TMPRSS15: variants seen among roughly 807,000 people sequenced by gnomAD.
TMPRSS15 encodes transmembrane serine protease 15.
A neutral mutation model predicts 125.3 loss-of-function variants in TMPRSS15; 128 were observed. The ratio of observed to expected loss-of-function variants is 1.02; its 90% confidence interval spans 0.89 to 1.18. The LOEUF is 1.18. Among genes scored for constraint, TMPRSS15 ranks in the 50% most tolerant of loss-of-function variants. TMPRSS15 has a pLI of 0.00. For missense variants in TMPRSS15, 1,283 were observed against 1,212.7 expected (o/e 1.06, Z -0.86); for synonymous variants, 446 against 423.2 (o/e 1.05, Z -0.66).
intron 1 of TMPRSS15, among the ~76,000 whole-genome samples, chr21:18,433,134 C>A (rs181575505): frequency 6.6e-6 from 1 of 152,116 alleles, no homozygotes; most frequent in East Asian, 1.9e-4. Flanking sequence ...ACTGAACATA[C>A]CTTAAATGGG....
Position 18,278,972 on chromosome 21 carries a change from A to G in TMPRSS15, c.2756T>C (p.Val919Ala). The change falls in exon 23 of 25, where the codon GTA becomes GCA. Residue 919 changes from valine to alanine, a missense_variant. By Grantham distance (64) the Val-to-Ala change is moderately conservative. Transcript: ENST00000284885. ...NCSIAGWGTV[V>A]YQGTTANILQ... ...TGAGTCTGATAATTTACCTTGATAT[A>G]CAACCGTCCCCCAACCAGCAATAGA... is the stretch of plus-strand genomic sequence containing the variant. The G allele has an allele frequency of 7.0e-7, 1 of 1,429,422 alleles. No homozygotes were observed. The highest frequency in any genetic ancestry group is 9.6e-7 in the Non-Finnish European group (1 of 1,043,024). The allele number at this position is 1,429,422 out of a possible 1,614,324, so 88.5% of individuals were successfully genotyped here.
intron 6 of TMPRSS15, among the ~76,000 whole-genome samples, chr21:18,368,636 T>C (rs1439297558): frequency 3.9e-5 from 6 of 152,188 alleles, no homozygotes; most frequent in African/African-American, 1.4e-4. Flanking sequence ...GTTAAGATTG[T>C]TTATCATAGT....
intron 15 of TMPRSS15, among the ~76,000 whole-genome samples, chr21:18,327,727 C>CT (rs5842682): frequency 0.53 from 80,488 of 151,844 alleles, 21,735 homozygotes; most frequent in East Asian, 0.67. Flanking sequence ...AGATAAAACA[C>CT]TTTTTTTGTG....
Position 18,329,222 on chromosome 21 carries a change from A to G in TMPRSS15, c.1727T>C (p.Ile576Thr), listed in dbSNP as rs144951297. 18 of 1,612,654 alleles carry G rather than the reference A, an allele frequency of 1.1e-5. No individual in the cohort carries two copies. The highest frequency in any genetic ancestry group is 1.7e-5 in the Admixed American group (1 of 59,956). The change falls in exon 15 of 25, where the codon ATT (isoleucine) becomes ACT (threonine). Residue 576 changes from isoleucine to threonine, a missense_variant. Physicochemically the swap from Ile to Thr is moderately conservative, Grantham distance 89. Coordinates refer to ENST00000284885, the MANE Select transcript of TMPRSS15 (RefSeq NM_002772.3). ...ATCTCTTATTTCAACTACATCGTTA[A>G]TATTTTCTAAGTCAAATTCTTGAAA... is the stretch of plus-strand genomic sequence containing the variant. ...LHFQEFDLEN[I>T]NDVVEIRDGE...
chr21:18,379,552 T>A (rs1373714231), intron 4 of TMPRSS15, among the ~76,000 whole-genome samples: 1 of 152,088 alleles, frequency 6.6e-6, no homozygotes, highest in Non-Finnish European at 1.5e-5. Flanking sequence ...AACTCCTCTT[T>A]TATTTTCTAA....
At position 18,359,420 on chromosome 21, in the gene TMPRSS15, T is replaced by C. The variant is rs138027959; in HGVS notation, c.880+337A>G. On this transcript the variant is annotated intron_variant, in intron 8 of 24. Coordinates refer to ENST00000284885, the MANE Select transcript of TMPRSS15 (RefSeq NM_002772.3). ...CCTACGCAATGCAGAGAAAACAGAA[T>C]AGTAATTTTCAGGGATTGTGTGAAT... 6.0e-4 allele frequency among the ~76,000 whole-genome samples: 91 copies of C among 152,174 alleles called. 4 individuals are homozygous for C. The highest frequency in any genetic ancestry group is 2.1e-3 in the African/African-American group (86 of 41,544).
rs546303368 is a variant in TMPRSS15 at position 18,426,727 on chromosome 21, G to T, written c.11-28398C>A. On this transcript the variant is annotated intron_variant, in intron 1 of 7. Coordinates refer to the TMPRSS15 transcript ENST00000422787. ...ATATTTCATGCATTGTCAAAGATTT[G>T]TTTTATTTCAAAATTATGCATTTTC... 2.6e-5 allele frequency among the ~76,000 whole-genome samples: 4 copies of T among 152,202 alleles called. No homozygotes were observed. The East Asian group carries it at 7.7e-4, about 29-fold the overall frequency.
intron 7 of TMPRSS15, among the ~76,000 whole-genome samples, chr21:18,361,242 G>A (rs1445746642): frequency 6.6e-6 from 1 of 152,080 alleles, no homozygotes; most frequent in East Asian, 1.9e-4. Context: ...TCTCATTAAA[G>A]TGTTATAATC....
At chr21:18,357,169 TC>T (rs958593555) in intron 8 of TMPRSS15, among the ~76,000 whole-genome samples, 3 of 151,906 alleles carry the variant, frequency 2.0e-5, no homozygotes, top group Non-Finnish European at 4.4e-5. Context: ...TCTACCCCTT[TC>T]ATATGAAGTA....
Position 18,387,846 on chromosome 21 carries a change from T to C in TMPRSS15, c.345-4068A>G, listed in dbSNP as rs548526231. Reference sequence around the variant, plus strand: ...ATAGGTATTTTAAAGGATTTATAGATATACAGTTGACGTAGGTACTGTTAG... The same window carrying C: ...ATAGGTATTTTAAAGGATTTATAGACATACAGTTGACGTAGGTACTGTTAG... On this transcript the variant is annotated intron_variant, in intron 3 of 24. Transcript: ENST00000284885. Among the ~76,000 whole-genome samples, 5 of 152,344 alleles carry C rather than the reference T, an allele frequency of 3.3e-5. No individual in the cohort carries two copies. The East Asian group carries it at 9.6e-4, about 29-fold the overall frequency.
intron 8 of TMPRSS15, among the ~76,000 whole-genome samples, chr21:18,356,959 G>T (rs1027012744): frequency 6.6e-6 from 1 of 151,774 alleles, no homozygotes; most frequent in African/African-American, 2.4e-5. Flanking sequence ...AGTCCTGTGG[G>T]AATGGAATAC....
At chr21:18,407,125 A>G (rs916990789), upstream of TMPRSS15, among the ~76,000 whole-genome samples, 2 of 152,130 alleles carry the variant, frequency 1.3e-5, no homozygotes, top group Non-Finnish European at 2.9e-5. Flanking sequence ...CGGAAACGAT[A>G]AATAGAAAAT....
At position 18,410,399 on chromosome 21, in the gene TMPRSS15, T is replaced by C. The variant is rs201289236; in HGVS notation, c.11-12070A>G. On this transcript the variant is annotated intron_variant, in intron 1 of 7. Coordinates refer to the TMPRSS15 transcript ENST00000422787. ...GACAAACTCCTAATGGCTCCTCCCA[T>C]CTCCACTGGGATCCTGTAGCAGTCA... 3.0e-3 allele frequency among the ~76,000 whole-genome samples: 450 copies of C among 152,250 alleles called. 2 individuals are homozygous for C. Among genetic ancestry groups the C allele is most frequent in the African/African-American group, 0.01 (430 of 41,556 alleles).
At chr21:18,477,887 C>T (rs550348233) in intron 1 of TMPRSS15, among the ~76,000 whole-genome samples, 6 of 152,070 alleles carry the variant, frequency 3.9e-5, no homozygotes, top group African/African-American at 1.4e-4. Context: ...ATTTAGACTC[C>T]AATCCTGTGT....
In TMPRSS15 at chr21:18,398,225, C is replaced by G. The variant is rs1350420605; in HGVS notation, c.250G>C (p.Val84Leu). The change falls in exon 2 of 25, where the codon GTT (valine) becomes CTT (leucine). Residue 84 changes from valine to leucine, a missense_variant. Transcript: ENST00000284885. ...LQDKLSVDFK[V>L]LAFDLQQMID... ...ATTTGCTGAAGGTCAAAAGCAAGAA[C>G]TTTGAAATCCACTGAGAGTTTGTCT... 3.7e-6 allele frequency: 6 copies of G among 1,613,728 alleles called. No individual in the cohort carries two copies. The highest frequency in any genetic ancestry group is 5.1e-6 in the Non-Finnish European group (6 of 1,179,810).
intron 4 of TMPRSS15, among the ~76,000 whole-genome samples, chr21:18,381,229 G>A (rs144182911): frequency 6.6e-6 from 1 of 152,072 alleles, no homozygotes; most frequent in Non-Finnish European, 1.5e-5. Flanking sequence ...TACTAACTAG[G>A]TGGTTTATTT....
In TMPRSS15 at chr21:18,394,282, A is replaced by T. The variant is rs113711789; in HGVS notation, c.344+3597T>A. Among the ~76,000 whole-genome samples, 429 of 152,282 alleles carry T rather than the reference A, an allele frequency of 2.8e-3. 2 individuals are homozygous for T. Among genetic ancestry groups the T allele is most frequent in the African/African-American group, 9.9e-3 (410 of 41,570 alleles). The stretch of plus-strand genomic sequence containing the variant: ...TCTCTCATAGAATTTTAGGGATATT[A>T]ACCCTGAATAAACTGAAGATTATTT... On this transcript the variant is annotated intron_variant, in intron 3 of 24. Coordinates refer to ENST00000284885, the MANE Select transcript of TMPRSS15 (RefSeq NM_002772.3).
chr21:18,387,524 C>T (rs1218314416), intron 3 of TMPRSS15, among the ~76,000 whole-genome samples: 2 of 151,940 alleles, frequency 1.3e-5, no homozygotes, highest in Non-Finnish European at 2.9e-5. Context: ...GGTGAAAGCA[C>T]TTTCCACAAA....
rs2075266476 is a variant in TMPRSS15, at chr21:18,324,086, T to C, written c.1921+2346A>G. ...ATGTTATAACACTGATTCTTGCTCA[T>C]TAATTTTTTTTTTATTGAACACACT... On this transcript the variant is annotated intron_variant, in intron 16 of 24. Coordinates refer to ENST00000284885, the MANE Select transcript of TMPRSS15 (RefSeq NM_002772.3). 5.3e-5 allele frequency among the ~76,000 whole-genome samples: 8 copies of C among 152,172 alleles called. No homozygotes were observed. In the South Asian group the frequency reaches 1.7e-3, roughly 31 times the overall value.
Sources: allele counts gnomAD v4.1 joint callset (sites outside exome capture counted in the v4.1 genomes callset), GRCh38; gene constraint gnomAD v4.1.1; transcripts MANE v1.5; gene names NCBI Gene and HGNC (gene_info 2026-07-23, HGNC 2026-07-21).